Variants in PTDSS2 observed in about 807,000 individuals in gnomAD.
PTDSS2 encodes the protein phosphatidylserine synthase 2.
A neutral mutation model predicts 64.7 loss-of-function variants in PTDSS2; 41 were observed. The ratio of observed to expected loss-of-function variants is 0.63; its 90% CI spans 0.49 to 0.82. PTDSS2 has a LOEUF of 0.82. Among genes scored for constraint, PTDSS2 ranks in the 40% least tolerant of loss-of-function variants. The probability of loss-of-function intolerance (pLI) is 0.00; values close to 1 mark genes in which losing one functional copy is unlikely to be tolerated. For synonymous variants in PTDSS2, 297 were observed against 277.8 expected (o/e 1.07, Z -0.69); for missense variants, 485 against 650.0 (o/e 0.75, Z 2.76).
At chr11:466,401 C>CTTTTTT (rs1226254389) in intron 2 of PTDSS2, among the ~76,000 whole-genome samples, 2 of 120,798 alleles carry the variant, frequency 1.7e-5, no homozygotes, top group African/African-American at 6.3e-5. Context: ...AACTGCCACT[C>CTTTTTT]TTTTTTTTTT....
chr11:489,862 A>T (rs1314496289), intron 10 of PTDSS2, 21 bp from the exon 11 acceptor site: 1 of 1,564,322 alleles, frequency 6.4e-7, no homozygotes, highest in Non-Finnish European at 8.6e-7. Context: ...CGGGACGCTG[A>T]ACCCCCTGCT....
At position 487,445 on chromosome 11, in the gene PTDSS2, C is replaced by T. The variant is rs140551397; in HGVS notation, c.596C>T (p.Ala199Val). 16 of 1,613,866 alleles carry T rather than the reference C, an allele frequency of 9.9e-6. No individual in the cohort carries two copies. Among genetic ancestry groups the T allele is most frequent in the African/African-American group, 2.7e-5 (2 of 74,920 alleles). The change falls in exon 6 of 12, where the codon GCG becomes GTG. Residue 199 changes from alanine (A) to valine (V), a missense_variant. This residue lies in a region of PTDSS2 where 251 missense variants were observed against 348.0 expected (regional missense o/e 0.72). Transcript: ENST00000308020. The stretch of plus-strand genomic sequence containing the variant: ...GACAAGTTGGATGGCTTTGTTCCCG[C>T]GCACTTTCTTGGCTGGTACCTGAAG... ...IWDKLDGFVP[A>V]HFLGWYLKTL...
intron 4 of PTDSS2, among the ~76,000 whole-genome samples, chr11:482,713 C>G (rs1034855710): frequency 6.6e-6 from 1 of 152,234 alleles, no homozygotes; most frequent in Non-Finnish European, 1.5e-5. Flanking sequence ...ATCTCCTTAC[C>G]GAGTGGAGAA....
At chr11:481,196 G>T (rs1343773417) in intron 4 of PTDSS2, among the ~76,000 whole-genome samples, 1 of 152,118 alleles carries the variant, frequency 6.6e-6, no homozygotes, top group East Asian at 1.9e-4. Flanking sequence ...CAGTTTCTCA[G>T]GCCCCTTGTT....
At chr11:486,027 T>C (rs71487291) in intron 4 of PTDSS2, among the ~76,000 whole-genome samples, 13,726 of 134,720 alleles carry the variant, frequency 0.1, 930 homozygotes, top group Admixed American at 0.19. Context: ...GCTCACCGTG[T>C]GCGCAGGCGA....
chr11:472,644 C>T (rs1362501326), intron 2 of PTDSS2, among the ~76,000 whole-genome samples: 10 of 152,226 alleles, frequency 6.6e-5, no homozygotes, highest in African/African-American at 1.7e-4. Context: ...CTGCAAGCCT[C>T]GGGCGGTGCT....
chr11:483,589 C>A (rs996992845), intron 4 of PTDSS2, among the ~76,000 whole-genome samples: 3 of 152,156 alleles, frequency 2.0e-5, no homozygotes, highest in African/African-American at 7.2e-5. Context: ...GTGTTTTTCC[C>A]CCTTTGTTAA....
upstream of PTDSS2, among the ~76,000 whole-genome samples, chr11:449,956 A>C (rs1846240216): frequency 6.6e-6 from 1 of 152,102 alleles, no homozygotes; most frequent in African/African-American, 2.4e-5. Context: ...TCAAAAAGGA[A>C]TGACCCGGGT....
intron 3 of PTDSS2, among the ~76,000 whole-genome samples, chr11:475,978 G>A (rs891260234): frequency 1.3e-5 from 2 of 152,232 alleles, no homozygotes; most frequent in Non-Finnish European, 2.9e-5. Context: ...CCTGTGATAT[G>A]TGTTATAAAA....
Position 479,972 on chromosome 11 carries a change from CTGT to C in PTDSS2, c.435+821_435+823del, listed in dbSNP as rs1462611114. On this transcript the variant is annotated intron_variant, in intron 4 of 11. Coordinates refer to ENST00000308020, the MANE Select transcript of PTDSS2 (RefSeq NM_030783.3). The surrounding 1 kb of genome is among the most constrained non-coding windows in gnomAD (Gnocchi z 4.2). ...TGACTTTTCTGAGGCAGTGTACATT[CTGT>C]GAATTTTAGCATTTGTGTAGACTTC... Among the ~76,000 whole-genome samples, 2 of 152,188 alleles carry C rather than the reference CTGT, an allele frequency of 1.3e-5. No individual in the cohort carries two copies. Among genetic ancestry groups the C allele is most frequent in the African/African-American group, 2.4e-5 (1 of 41,436 alleles).
Position 490,900 on chromosome 11 carries a change from C to T in PTDSS2, c.*318C>T, listed in dbSNP as rs1848655975. On this transcript the variant is annotated 3_prime_UTR_variant, in exon 12 of 12. Coordinates refer to ENST00000308020, the MANE Select transcript of PTDSS2 (RefSeq NM_030783.3). ...CAGAGCTGGGAGCTGGCTGGCGTGGCAAGGGCATGCTCTGGGGCAGTGTGT... is the reference window on the plus strand; with the variant it reads ...CAGAGCTGGGAGCTGGCTGGCGTGGTAAGGGCATGCTCTGGGGCAGTGTGT... The T allele has an allele frequency of 2.6e-6, 1 of 378,492 alleles. No homozygotes were observed. The highest frequency in any genetic ancestry group is 4.8e-6 in the Non-Finnish European group (1 of 208,368). 23.4% of individuals were successfully genotyped at this position (378,492 alleles called of 1,614,324 possible).
intron 7 of PTDSS2, 64 bp downstream of exon 7, chr11:488,376 T>G: frequency 6.9e-7 from 1 of 1,449,020 alleles, no homozygotes; most frequent in Non-Finnish European, 9.6e-7. Context: ...GGAACCCCTG[T>G]GCCCAGCGCG....
chr11:466,580 G>A (rs150194278), intron 2 of PTDSS2, among the ~76,000 whole-genome samples: 2 of 151,488 alleles, frequency 1.3e-5, no homozygotes, highest in Admixed American at 1.3e-4. Context: ...GCTAATTTTT[G>A]TATTTTTTAA....
chr11:469,771 G>C (rs576509067), intron 2 of PTDSS2, among the ~76,000 whole-genome samples: 4 of 152,018 alleles, frequency 2.6e-5, no homozygotes, highest in Admixed American at 2.6e-4. Context: ...CGGGGCCAGG[G>C]CTCTGAGGAG....
Position 488,630 on chromosome 11 carries a change from G to C in PTDSS2, c.837G>C (p.Trp279Cys). 1 of 1,612,146 alleles carries C rather than the reference G, an allele frequency of 6.2e-7. No individual in the cohort carries two copies. Among genetic ancestry groups the C allele is most frequent in the Non-Finnish European group, 8.5e-7 (1 of 1,179,104 alleles). ...SLKTYKWQGLWNIPTYKGKMK... is the reference protein window; with the variant it reads ...SLKTYKWQGLCNIPTYKGKMK... Reference sequence around the variant, plus strand: ...AGACGTACAAGTGGCAGGGCCTCTGGAACATTCCGACCTACAAGTACGTCG... The same window carrying C: ...AGACGTACAAGTGGCAGGGCCTCTGCAACATTCCGACCTACAAGTACGTCG... Residue 279 changes from tryptophan to cysteine, a missense_variant, in exon 8 of 12, where the codon TGG (tryptophan) becomes TGC (cysteine). Trp to Cys is a radical substitution (Grantham distance 215). This residue lies in a region of PTDSS2 where 15 missense variants were observed against 44.7 expected (regional missense o/e 0.34). Coordinates refer to ENST00000308020, the MANE Select transcript of PTDSS2 (RefSeq NM_030783.3).
At position 460,413 on chromosome 11, in the gene PTDSS2, C is replaced by A; in HGVS notation, c.284+125C>A. The A allele has an allele frequency of 2.8e-6, 2 of 723,372 alleles. No individual in the cohort carries two copies. The highest frequency in any genetic ancestry group is 3.3e-5 in the South Asian group (2 of 59,976). 44.8% of individuals were successfully genotyped at this position (723,372 alleles called of 1,614,324 possible). On this transcript the variant is annotated intron_variant, in intron 2 of 11. Coordinates refer to ENST00000308020, the MANE Select transcript of PTDSS2 (RefSeq NM_030783.3). The surrounding 1 kb of genome is among the most constrained non-coding windows in gnomAD (Gnocchi z 5.8). ...TCACCAGAGGGCTGCGTGGGGCCGCCGGCCTCTCCCTTGAGTGTGTCTGAT... is the reference window on the plus strand; with the variant it reads ...TCACCAGAGGGCTGCGTGGGGCCGCAGGCCTCTCCCTTGAGTGTGTCTGAT...
intron 1 of PTDSS2, among the ~76,000 whole-genome samples, chr11:455,356 T>G (rs532138570): frequency 1.3e-3 from 203 of 152,240 alleles, no homozygotes; most frequent in African/African-American, 4.7e-3. Flanking sequence ...GGAGGCCCTG[T>G]TAGCTTCCCC....
At chr11:469,631 G>A (rs568724644) in intron 2 of PTDSS2, among the ~76,000 whole-genome samples, 86 of 152,242 alleles carry the variant, frequency 5.6e-4, no homozygotes, top group African/African-American at 1.8e-3. Flanking sequence ...GTTAAACAGT[G>A]TGTGCGCAGT....
At chr11:486,687 A>C (rs966275519) in intron 4 of PTDSS2, among the ~76,000 whole-genome samples, 4 of 149,218 alleles carry the variant, frequency 2.7e-5, no homozygotes, top group South Asian at 2.1e-4. Flanking sequence ...CTAAAAATAC[A>C]AAAAAAAAAT....
Sources: allele counts gnomAD v4.1 joint callset (sites outside exome capture counted in the v4.1 genomes callset), GRCh38; gene constraint gnomAD v4.1.1; regional missense constraint gnomAD v4.1.1; non-coding constraint Gnocchi (gnomAD v3.1); transcripts MANE v1.5; gene names NCBI Gene and HGNC (gene_info 2026-07-23, HGNC 2026-07-21).